Variants in SCN4A observed in about 807,000 individuals in gnomAD.
The protein encoded by SCN4A is sodium channel protein type 4 subunit alpha.
SCN4A carries 83 observed loss-of-function variants against 162.0 expected under a neutral mutation model. That is an observed-to-expected ratio of 0.51 (90% confidence interval 0.43 to 0.61). SCN4A has a LOEUF of 0.61. Ranked by LOEUF, SCN4A falls within the 20% of genes least tolerant of loss-of-function variation. The probability of loss-of-function intolerance (pLI) is 0.00; values close to 1 mark genes in which losing one functional copy is unlikely to be tolerated. For missense variants in SCN4A, 2,196 were observed against 2,462.5 expected (o/e 0.89, Z 2.29); for synonymous variants, 944 against 985.1 (o/e 0.96, Z 0.78).
At position 63,972,801 on chromosome 17, in the gene SCN4A, G is replaced by A; in HGVS notation, c.41C>T (p.Pro14Leu). 1 of 1,613,510 alleles carries A rather than the reference G, an allele frequency of 6.2e-7. No individual in the cohort carries two copies. The highest frequency in any genetic ancestry group is 1.3e-5 in the African/African-American group (1 of 75,058). ...PSLCTLVPLGPECLRPFTRES... is the reference protein window; with the variant it reads ...PSLCTLVPLGLECLRPFTRES... ...CCGGGTGAAGGGGCGCAAGCACTCA[G>A]GGCCCAGAGGCACCAGGGTGCACAG... is the stretch of plus-strand genomic sequence containing the variant. Residue 14 changes from proline (P) to leucine (L), a missense_variant, in exon 1 of 24, where the codon CCT (proline) becomes CTT (leucine). Transcript: ENST00000435607. The surrounding 1 kb of genome is among the most constrained non-coding windows in gnomAD (Gnocchi z 4.3).
Position 63,963,664 on chromosome 17 carries a change from G to T in SCN4A, c.1606+8C>A, listed in dbSNP as rs575279008. 4.2e-5 allele frequency: 66 copies of T among 1,562,534 alleles called. No individual in the cohort carries two copies. The South Asian group carries it at 6.9e-4, about 16-fold the overall frequency. ...ACCTAAGTGGGCACGGGGGCACAAG[G>T]CACTCACCTTCCATGGCGTCGGAGA... On this transcript the variant is annotated splice_region_variant and intron_variant, in intron 10 of 23. Coordinates refer to ENST00000435607, the MANE Select transcript of SCN4A (RefSeq NM_000334.4).
Position 63,941,628 on chromosome 17 carries a change from C to G in SCN4A, c.4654G>C (p.Asp1552His), listed in dbSNP as rs376448413. ...LNPILNSGPP[D>H]CDPNLENPGT... ...GGGTTCTCCAGGTTGGGGTCACAGT[C>G]TGGGGGCCCGCTGTTGAGGATGGGG... Residue 1552 changes from aspartate to histidine, a missense_variant, in exon 24 of 24, where the codon GAC becomes CAC. Coordinates refer to ENST00000435607, the MANE Select transcript of SCN4A (RefSeq NM_000334.4). The surrounding 1 kb of genome is among the most constrained non-coding windows in gnomAD (Gnocchi z 6.2). 1.2e-6 allele frequency: 2 copies of G among 1,613,898 alleles called. No individual in the cohort carries two copies. The highest frequency in any genetic ancestry group is 3.3e-5 in the Admixed American group (2 of 59,990).
intron 13 of SCN4A, among the ~76,000 whole-genome samples, chr17:63,954,123 C>A (rs1453650539): frequency 6.6e-6 from 1 of 152,180 alleles, no homozygotes; most frequent in Admixed American, 6.5e-5. Flanking sequence ...CACCCTTGGC[C>A]GTCTCCTCGG....
At chr17:63,968,721 G>A (rs1432653770) in intron 5 of SCN4A, among the ~76,000 whole-genome samples, 2 of 152,236 alleles carry the variant, frequency 1.3e-5, no homozygotes, top group Non-Finnish European at 2.9e-5. Flanking sequence ...CCTTAAAAAG[G>A]GGGCGTTGAT....
intron 11 of SCN4A, among the ~76,000 whole-genome samples, chr17:63,960,295 G>A (rs1597979395): frequency 6.6e-6 from 1 of 152,266 alleles, no homozygotes; most frequent in African/African-American, 2.4e-5. Flanking sequence ...CCCAGCAGCT[G>A]TGCCACGAGT....
At chr17:63,948,406 C>T (rs1411202995) in intron 16 of SCN4A, among the ~76,000 whole-genome samples, 2 of 152,188 alleles carry the variant, frequency 1.3e-5, no homozygotes, top group African/African-American at 2.4e-5. Context: ...TCAGCACCCA[C>T]GTAATAAGGG....
Position 63,941,691 on chromosome 17 carries a change from C to T in SCN4A, c.4591G>A (p.Glu1531Lys), listed in dbSNP as rs1555600732. 6 of 1,614,092 alleles carry T rather than the reference C, an allele frequency of 3.7e-6. No homozygotes were observed. The highest frequency in any genetic ancestry group is 2.2e-5 in the South Asian group (2 of 91,078). The change falls in exon 24 of 24, where the codon GAG becomes AAG. Residue 1531 changes from glutamate to lysine, a missense_variant. Transcript: ENST00000435607. This position sits in a 1 kb window ranked among gnomAD's most constrained non-coding sequence, Gnocchi z 6.2. ...TFGNSIICLF[E>K]ITTSAGWDGL... ...TCCCAGCCGGCCGACGTGGTGATCT[C>T]GAACAGGCAGATGATGCTGTTGCCG...
At position 63,968,052 on chromosome 17, in the gene SCN4A, A is replaced by G. The variant is rs762835093; in HGVS notation, c.1007T>C (p.Phe336Ser). ...SHASWATNDT[F>S]DWDAYISDEG... Reference sequence around the variant, plus strand: ...ATCACTGATGTAGGCGTCCCAATCAAAGGTATCGTTGGTGGCCCAGCTTGC... The same window carrying G: ...ATCACTGATGTAGGCGTCCCAATCAGAGGTATCGTTGGTGGCCCAGCTTGC... Residue 336 changes from phenylalanine to serine, a missense_variant, in exon 6 of 24, where the codon TTT (phenylalanine) becomes TCT (serine). Physicochemically the swap from Phe to Ser is radical, Grantham distance 155 (BLOSUM62 -2). Coordinates refer to ENST00000435607, the MANE Select transcript of SCN4A (RefSeq NM_000334.4). 1.2e-6 allele frequency: 2 copies of G among 1,613,868 alleles called. No homozygotes were observed. The highest frequency in any genetic ancestry group is 2.2e-5 in the South Asian group (2 of 91,070).
At chr17:63,958,101 G>C (rs1909129377) in intron 12 of SCN4A, among the ~76,000 whole-genome samples, 1 of 152,064 alleles carries the variant, frequency 6.6e-6, no homozygotes, top group South Asian at 2.1e-4. Flanking sequence ...GGGAGCAGTT[G>C]GCTCACACCT....
rs895017695 is a variant in SCN4A, at chr17:63,945,318, C to T, written c.3720+42G>A. Reference sequence around the variant, plus strand: ...AACGAGAGGACCGGGGTGGGGGGCACCTCCATCCAGGTTCCCGGCAGGGGT... The same window carrying T: ...AACGAGAGGACCGGGGTGGGGGGCATCTCCATCCAGGTTCCCGGCAGGGGT... On this transcript the variant is annotated intron_variant, in intron 19 of 23. Coordinates refer to ENST00000435607, the MANE Select transcript of SCN4A (RefSeq NM_000334.4). The surrounding 1 kb of genome is among the most constrained non-coding windows in gnomAD (Gnocchi z 4.4). The T allele has an allele frequency of 8.9e-6, 14 of 1,567,420 alleles. No homozygotes were observed. The highest frequency in any genetic ancestry group is 1.2e-5 in the Non-Finnish European group (14 of 1,145,296).
chr17:63,958,833 G>A (rs1035621720), intron 12 of SCN4A, among the ~76,000 whole-genome samples: 2 of 152,216 alleles, frequency 1.3e-5, no homozygotes, highest in African/African-American at 2.4e-5. Context: ...GATTACAGGC[G>A]TGAGCCACCG....
chr17:63,972,198 G>A lies in SCN4A; in HGVS notation c.420C>T (p.Thr140=). The A allele has an allele frequency of 6.2e-7, 1 of 1,613,660 alleles. No individual in the cohort carries two copies. ...TCATGAATACGCAGTTGGTCAAGAT[G>A]GTGATCATGATGAACATGCTGAACA... ...HALFSMFIMI[T]ILTNCVFMTM... is the part of the protein sequence containing the mutation. Residue 140 remains threonine, a synonymous_variant, in exon 3 of 24, where the codon ACC becomes ACT. Transcript: ENST00000435607. The surrounding 1 kb of genome is among the most constrained non-coding windows in gnomAD (Gnocchi z 4.3).
chr17:63,957,233 A>G lies in SCN4A; in HGVS notation c.2305T>C (p.Cys769Arg). 1 of 1,608,468 alleles carries G rather than the reference A, an allele frequency of 6.2e-7. No individual in the cohort carries two copies. The highest frequency in any genetic ancestry group is 8.5e-7 in the Non-Finnish European group (1 of 1,175,146). The part of the protein sequence containing the change: ...CGEWIETMWD[C>R]MEVAGQAMCL... ...ATGGCTTGGCCGGCCACCTCCATGC[A>G]GTCCCACATGGTCTCGATCCACTCC... Residue 769 changes from cysteine (C) to arginine (R), a missense_variant, in exon 13 of 24, where the codon TGC becomes CGC. Transcript: ENST00000435607.
chr17:63,971,995 C>T, intron 3 of SCN4A, 141 bp downstream of exon 3: 1 of 1,059,566 alleles, frequency 9.4e-7, no homozygotes, highest in East Asian at 2.5e-5. Context: ...AGCATGGCCA[C>T]CCCAGGGACT....
At chr17:63,957,129 G>A in intron 13 of SCN4A, 33 bp downstream of exon 13, 1 of 1,437,490 alleles carries the variant, frequency 7.0e-7, no homozygotes, top group Non-Finnish European at 9.6e-7. Context: ...CTTCCCGGGT[G>A]AGGGCAGGGG....
intron 8 of SCN4A, 38 bp downstream of exon 8, chr17:63,966,064 G>T: frequency 6.7e-7 from 1 of 1,500,380 alleles, no homozygotes; most frequent in Non-Finnish European, 9.1e-7. Context: ...GAGGGGGAGT[G>T]GCTGTAGGGT....
At chr17:63,943,212 C>CAGAGAGAGAGAGAGAGAG in intron 22 of SCN4A, 116 bp from the exon 23 acceptor site, 2 of 369,022 alleles carry the variant, frequency 5.4e-6, no homozygotes, top group East Asian at 1.8e-4. Flanking sequence ...ACAGAGATGA[C>CAGAGAGAGAGAGAGAGAG]AGAGAGAGAG....
intron 6 of SCN4A, among the ~76,000 whole-genome samples, chr17:63,967,820 C>T (rs907488413): frequency 1.3e-5 from 2 of 151,832 alleles, no homozygotes; most frequent in African/African-American, 2.4e-5. Context: ...GTAATCCTAG[C>T]TACTCGGGAG....
intron 8 of SCN4A, 135 bp downstream of exon 8, chr17:63,965,967 T>A: frequency 1.5e-6 from 1 of 657,796 alleles, no homozygotes; most frequent in Non-Finnish European, 2.7e-6. Context: ...ATAAGGGCAC[T>A]GCGGGAGTCC....
Sources: allele counts gnomAD v4.1 joint callset (sites outside exome capture counted in the v4.1 genomes callset), GRCh38; gene constraint gnomAD v4.1.1; non-coding constraint Gnocchi (gnomAD v3.1); transcripts MANE v1.5; gene names NCBI Gene and HGNC (gene_info 2026-07-23, HGNC 2026-07-21).